RALB: variants seen among roughly 807,000 people sequenced by gnomAD.
RALB encodes the protein ras-related protein Ral-B.
Under a neutral mutation model 21.3 loss-of-function variants are expected in RALB, and 16 were observed. The observed-to-expected ratio is 0.75, with a 90% CI of 0.51 to 1.14. The LOEUF (loss-of-function observed/expected upper bound fraction) is 1.14. RALB is among the 50% of genes most tolerant of loss of function. The pLI is 0.00. For synonymous variants in RALB, 93 were observed against 96.1 expected, an observed-to-expected ratio of 0.97 and a Z score of 0.19; for missense variants, 161 against 256.2, an observed-to-expected ratio of 0.63 and a Z score of 2.54.
At position 120,268,922 on chromosome 2, in the gene RALB, A is replaced by G. The variant is rs565398179; in HGVS notation, c.-47-9696A>G. 2.7e-5 allele frequency among the ~76,000 whole-genome samples: 3 copies of G among 112,578 alleles called. No homozygotes were observed. The East Asian group carries it at 6.3e-4, about 24-fold the overall frequency. The allele number at this position is 112,578 out of a possible 152,430, so 73.9% of individuals were successfully genotyped here. ...TGTATCCTACAATAATTCTTTGTTT[A>G]TATATAAACAAACAATTTTTTTAAA... On this transcript the variant is annotated intron_variant, in intron 1 of 4. Transcript: ENST00000272519.
At chr2:120,274,510 T>C (rs1689745063) in intron 1 of RALB, among the ~76,000 whole-genome samples, 1 of 152,176 alleles carries the variant, frequency 6.6e-6, no homozygotes, top group South Asian at 2.1e-4. Flanking sequence ...AGCTTGGTTA[T>C]GTTCAGTCTG....
In RALB at chr2:120,243,879, G is replaced by A. The variant is rs183409610; in HGVS notation, c.19+3754G>A. Among the ~76,000 whole-genome samples, 71 of 152,278 alleles carry A rather than the reference G, an allele frequency of 4.7e-4. 2 individuals carry two copies. Among genetic ancestry groups the A allele is most frequent in the Admixed American group, 4.6e-3 (70 of 15,290 alleles). Reference sequence around the variant, plus strand: ...TGGATGATGCTCTGGGTGTTCCAGGGCCTGCCACAGACATTGGCTGTATTA... The same window carrying A: ...TGGATGATGCTCTGGGTGTTCCAGGACCTGCCACAGACATTGGCTGTATTA... On this transcript the variant is annotated intron_variant, in intron 1 of 3. Coordinates refer to the RALB transcript ENST00000447591.
rs1052602863 is a variant in RALB at position 120,240,290 on chromosome 2, T to A, written c.19+165T>A. On this transcript the variant is annotated intron_variant, in intron 1 of 3. Transcript: ENST00000447591. ...GAGCTGCTACTTTTTTATTTTTATT[T>A]TTATTTTTTTTTGAGACAGGGTCTC... Among the ~76,000 whole-genome samples the A allele has an allele frequency of 2.6e-4, 37 of 142,362 alleles. 1 individual carries two copies. The highest frequency in any genetic ancestry group is 5.5e-4 in the African/African-American group (19 of 34,480). 93.4% of individuals were successfully genotyped at this position (142,362 alleles called of 152,430 possible).
At chr2:120,286,739 C>A (rs1690169040) in intron 3 of RALB, among the ~76,000 whole-genome samples, 1 of 152,192 alleles carries the variant, frequency 6.6e-6, no homozygotes, top group Non-Finnish European at 1.5e-5. Flanking sequence ...TGGGCAAGAA[C>A]CTGGCTACCC....
intron 1 of RALB, among the ~76,000 whole-genome samples, chr2:120,274,342 T>A (rs56915108): frequency 0.019 from 2,797 of 145,546 alleles, 92 homozygotes; most frequent in African/African-American, 0.067. Flanking sequence ...CTCACTTATT[T>A]AAAAAAAAAA....
intron 1 of RALB, among the ~76,000 whole-genome samples, chr2:120,258,339 C>A (rs1275442796): frequency 6.6e-6 from 1 of 152,202 alleles, no homozygotes; most frequent in Admixed American, 6.5e-5. Context: ...GACTTTGCTT[C>A]CTCTTGCTTC....
chr2:120,253,309 G>A, intron 1 of RALB: 1 of 843,554 alleles, frequency 1.2e-6, no homozygotes, highest in Non-Finnish European at 1.4e-6. Context: ...CTCCCGCTCG[G>A]GACCGTCCAC....
chr2:120,248,790 G>T (rs1406920257), upstream of RALB, among the ~76,000 whole-genome samples: 1 of 151,966 alleles, frequency 6.6e-6, no homozygotes, highest in Non-Finnish European at 1.5e-5. Flanking sequence ...TCCTACCTCA[G>T]CCTCCCTGGT....
chr2:120,261,213 C>T lies in RALB; in HGVS notation c.-48+8233C>T, dbSNP rs77876806. The stretch of plus-strand genomic sequence containing the variant: ...TCTTTAGGGTGAAGATTCAATAGAA[C>T]GTGTCTACATGCTGTTGGGGATGAT... On this transcript the variant is annotated intron_variant, in intron 1 of 4. Coordinates refer to ENST00000272519, the MANE Select transcript of RALB (RefSeq NM_002881.3). 6.7e-3 allele frequency among the ~76,000 whole-genome samples: 1,025 copies of T among 152,214 alleles called. 9 individuals are homozygous for T. The highest frequency in any genetic ancestry group is 0.012 in the Non-Finnish European group (837 of 68,014).
At chr2:120,291,791 A>G (rs1374407296) in intron 4 of RALB, among the ~76,000 whole-genome samples, 2 of 151,690 alleles carry the variant, frequency 1.3e-5, no homozygotes, top group African/African-American at 4.8e-5. Context: ...GCAAGAAGGG[A>G]TGTTTGGGTT....
At chr2:120,280,212 C>G (rs1689953375) in intron 2 of RALB, among the ~76,000 whole-genome samples, 1 of 152,088 alleles carries the variant, frequency 6.6e-6, no homozygotes, top group Non-Finnish European at 1.5e-5. Flanking sequence ...GCAGTAATCC[C>G]AAAACTTTCA....
chr2:120,252,745 C>G, upstream of RALB: 1 of 974,532 alleles, frequency 1.0e-6, no homozygotes, highest in Non-Finnish European at 1.2e-6. Flanking sequence ...TGGCTGACAG[C>G]CCCCCGACGG....
At chr2:120,268,716 A>T (rs148668250) in intron 1 of RALB, among the ~76,000 whole-genome samples, 5 of 152,320 alleles carry the variant, frequency 3.3e-5, no homozygotes, top group African/African-American at 4.8e-5. Context: ...GATTTCCTCA[A>T]TTTACTTTGT....
At position 120,273,271 on chromosome 2, in the gene RALB, T is replaced by C. The variant is rs983266417; in HGVS notation, c.-47-5347T>C. On this transcript the variant is annotated intron_variant, in intron 1 of 4. Transcript: ENST00000272519. ...GGTTGGGGATGCAACTATAGGGGTG[T>C]AGAAAATGGTGCTTGTGCCCTTGAG... Among the ~76,000 whole-genome samples the C allele has an allele frequency of 2.0e-5, 3 of 151,392 alleles. No individual in the cohort carries two copies. In the East Asian group the frequency reaches 5.8e-4, roughly 29 times the overall value.
chr2:120,284,485 A>G (rs1374280753), intron 2 of RALB, among the ~76,000 whole-genome samples: 5 of 151,966 alleles, frequency 3.3e-5, no homozygotes, highest in African/African-American at 9.7e-5. Flanking sequence ...TGCAAGCGCC[A>G]CTTCCCAGGT....
At chr2:120,259,328 CG>C (rs1167251764) in intron 1 of RALB, among the ~76,000 whole-genome samples, 1 of 152,122 alleles carries the variant, frequency 6.6e-6, no homozygotes, top group Non-Finnish European at 1.5e-5. Context: ...CTGATTGGTG[CG>C]TTTACAATCC....
At chr2:120,250,192 C>T (rs1286627612), upstream of RALB, among the ~76,000 whole-genome samples, 1 of 152,198 alleles carries the variant, frequency 6.6e-6, no homozygotes, top group African/African-American at 2.4e-5. Flanking sequence ...TCAGAGCAGG[C>T]TAAGCTATGT....
At chr2:120,267,868 T>G (rs1488190545) in intron 1 of RALB, among the ~76,000 whole-genome samples, 4 of 152,186 alleles carry the variant, frequency 2.6e-5, no homozygotes, top group African/African-American at 4.8e-5. Context: ...CTGGGGTCAC[T>G]GCAACTTCTG....
intron 1 of RALB, among the ~76,000 whole-genome samples, chr2:120,275,646 TTG>T (rs1275815503): frequency 6.6e-6 from 1 of 151,984 alleles, no homozygotes; most frequent in African/African-American, 2.4e-5. Context: ...TGTGTGTGTG[TTG>T]TGTGTGTTTA....
Sources: gnomAD v4.1 joint callset for allele counts (sites outside exome capture counted in the v4.1 genomes callset) on GRCh38, gnomAD v4.1.1 for gene constraint, MANE v1.5 for transcripts, NCBI Gene and HGNC (gene_info 2026-07-23, HGNC 2026-07-21) for gene names.